Variants in MTDH observed in about 807,000 individuals in gnomAD.
MTDH encodes metadherin, also known as protein LYRIC.
MTDH carries 34 observed loss-of-function variants against 72.7 expected under a neutral mutation model. That is an observed-to-expected ratio of 0.47 (90% CI 0.36 to 0.62). The LOEUF is 0.62. Among genes scored for constraint, MTDH ranks in the 20% least tolerant of loss-of-function variants. The probability of loss-of-function intolerance (pLI) is 0.00; values close to 1 mark genes in which losing one functional copy is unlikely to be tolerated. For synonymous variants in MTDH, 266 were observed against 268.9 expected (o/e 0.99, Z 0.10); for missense variants, 677 against 699.4 (o/e 0.97, Z 0.36).
At chr8:97,652,327 G>A (rs1196778685) in intron 1 of MTDH, among the ~76,000 whole-genome samples, 1 of 152,092 alleles carries the variant, frequency 6.6e-6, no homozygotes, top group Middle Eastern at 3.2e-3. Flanking sequence ...GCCTTTACAT[G>A]AGCTATTATT....
At chr8:97,649,726 C>T (rs1811690117) in intron 1 of MTDH, among the ~76,000 whole-genome samples, 1 of 151,512 alleles carries the variant, frequency 6.6e-6, no homozygotes, top group Middle Eastern at 3.4e-3. Flanking sequence ...ACCTCAGCCC[C>T]TCGAGTGGCT....
chr8:97,718,894 C>T (rs1228628450), intron 9 of MTDH, among the ~76,000 whole-genome samples, 155 bp from the exon 10 acceptor site: 1 of 151,902 alleles, frequency 6.6e-6, no homozygotes, highest in Non-Finnish European at 1.5e-5. Flanking sequence ...CAGGGTTTCA[C>T]CATGTTGCCC....
At chr8:97,724,002 G>A (rs1241167590) in intron 11 of MTDH, among the ~76,000 whole-genome samples, 3 of 152,062 alleles carry the variant, frequency 2.0e-5, no homozygotes, top group East Asian at 1.9e-4. Flanking sequence ...GCAGCTACTC[G>A]GGAGGCTGAG....
At position 97,726,469 on chromosome 8, in the gene MTDH, T is replaced by C. The variant is rs773775014; in HGVS notation, c.*1799T>C. On this transcript the variant is annotated 3_prime_UTR_variant, in exon 12 of 12. Transcript: ENST00000336273. ...TTGTAAAGGTACCACAAAGGAGAAGTTGATAGGGAATCTAATTTTAGAATG... is the reference window on the plus strand; with the variant it reads ...TTGTAAAGGTACCACAAAGGAGAAGCTGATAGGGAATCTAATTTTAGAATG... The C allele has an allele frequency of 6.6e-6, 1 of 152,236 alleles. No homozygotes were observed. The highest frequency in any genetic ancestry group is 1.5e-5 in the Non-Finnish European group (1 of 68,052). 9.4% of individuals were successfully genotyped at this position (152,236 alleles called of 1,614,324 possible). A position where few individuals can be genotyped will look rare whatever the true frequency, so the allele number is the denominator to read the frequency against.
chr8:97,715,736 G>T (rs1318866366), intron 9 of MTDH, among the ~76,000 whole-genome samples: 1 of 152,152 alleles, frequency 6.6e-6, no homozygotes, highest in Non-Finnish European at 1.5e-5. Flanking sequence ...AGTTTTTCTT[G>T]AATTTCTTTG....
chr8:97,696,414 A>G (rs907167509), intron 6 of MTDH: 2 of 356,244 alleles, frequency 5.6e-6, no homozygotes, highest in Non-Finnish European at 7.8e-6. Flanking sequence ...GGTATTATAA[A>G]GTGGCAGAGG....
At position 97,644,565 on chromosome 8, in the gene MTDH, G is replaced by A. The variant is rs774287888; in HGVS notation, c.59G>A (p.Arg20Gln). ...LAQQAEEGSA[R>Q]LREMLSVGLG... ...CAGCAGGCCGAGGAGGGCTCGGCCC[G>A]GCTGCGGGAAATGCTCTCGGTCGGC... is the stretch of plus-strand genomic sequence containing the variant. Residue 20 changes from arginine (R) to glutamine (Q), a missense_variant, in exon 1 of 12, where the codon CGG (arginine) becomes CAG (glutamine). This residue lies in a region of MTDH where 467 missense variants were observed against 469.1 expected (regional missense o/e 1.00). Coordinates refer to ENST00000336273, the MANE Select transcript of MTDH (RefSeq NM_178812.4). 4 of 1,604,888 alleles carry A rather than the reference G, an allele frequency of 2.5e-6. No homozygotes were observed. Among genetic ancestry groups the A allele is most frequent in the Middle Eastern group, 1.8e-4 (1 of 5,624 alleles).
At chr8:97,697,919 T>C (rs1162415538) in intron 6 of MTDH, among the ~76,000 whole-genome samples, 1 of 152,200 alleles carries the variant, frequency 6.6e-6, no homozygotes, top group Non-Finnish European at 1.5e-5. Flanking sequence ...GCCAAAGGAA[T>C]AGCACCAGTG....
intron 7 of MTDH, among the ~76,000 whole-genome samples, chr8:97,702,961 G>A (rs1205737481): frequency 6.6e-6 from 1 of 152,212 alleles, no homozygotes; most frequent in African/African-American, 2.4e-5. Context: ...CAGACTAATG[G>A]AAAACTTTAG....
At chr8:97,723,647 G>A (rs568657018) in intron 11 of MTDH, among the ~76,000 whole-genome samples, 228 of 150,846 alleles carry the variant, frequency 1.5e-3, no homozygotes, top group African/African-American at 5.2e-3. Flanking sequence ...GGAGGCTGAG[G>A]CAGGAGAATG....
chr8:97,674,339 T>C (rs944879809), intron 2 of MTDH, among the ~76,000 whole-genome samples: 4 of 152,244 alleles, frequency 2.6e-5, no homozygotes, highest in African/African-American at 9.6e-5. Context: ...GGGAAATCAA[T>C]TGCAGACTTT....
chr8:97,719,245 A>G, intron 10 of MTDH, 56 bp downstream of exon 10: 1 of 1,568,820 alleles, frequency 6.4e-7, no homozygotes, highest in Non-Finnish European at 8.6e-7. Flanking sequence ...CTGTAATCCC[A>G]GCACTTTGAG....
intron 9 of MTDH, among the ~76,000 whole-genome samples, chr8:97,717,456 T>G (rs1186714939): frequency 1.3e-5 from 2 of 152,214 alleles, no homozygotes; most frequent in East Asian, 3.8e-4. Context: ...TCCTGTGGTG[T>G]TTGGCATGTG....
intron 2 of MTDH, among the ~76,000 whole-genome samples, chr8:97,666,249 G>A (rs537712228): frequency 3.3e-5 from 5 of 152,130 alleles, no homozygotes; most frequent in South Asian, 2.1e-4. Context: ...TGAAGTCAGC[G>A]ATATCCACTA....
chr8:97,651,847 A>C (rs981795426), intron 1 of MTDH, among the ~76,000 whole-genome samples: 4 of 152,074 alleles, frequency 2.6e-5, no homozygotes, highest in African/African-American at 9.7e-5. Flanking sequence ...AGAACCTATT[A>C]TTTCTTGCCT....
chr8:97,674,198 T>C (rs1812751074), intron 2 of MTDH, among the ~76,000 whole-genome samples: 1 of 152,092 alleles, frequency 6.6e-6, no homozygotes, highest in Admixed American at 6.6e-5. Context: ...GGTAAGGAGA[T>C]AGAGATAAAG....
At chr8:97,721,051 AG>A in intron 10 of MTDH, among the ~76,000 whole-genome samples, 1 of 152,170 alleles carries the variant, frequency 6.6e-6, no homozygotes, top group Non-Finnish European at 1.5e-5. Flanking sequence ...GAGAGAACAA[AG>A]GGGAAAAGGA....
In MTDH at chr8:97,724,883, C is replaced by T; in HGVS notation, c.*213C>T. On this transcript the variant is annotated 3_prime_UTR_variant, in exon 12 of 12. Transcript: ENST00000336273. Reference sequence around the variant, plus strand: ...AGAATATACTCAGTGATGGAAGACACTTGGGAAAGTCTTTTTAATAGAACA... The same window carrying T: ...AGAATATACTCAGTGATGGAAGACATTTGGGAAAGTCTTTTTAATAGAACA... 2.6e-6 allele frequency: 1 copy of T among 384,412 alleles called. No individual in the cohort carries two copies. Among genetic ancestry groups the T allele is most frequent in the Non-Finnish European group, 4.6e-6 (1 of 216,280 alleles). The allele number at this position is 384,412 out of a possible 1,614,324, so 23.8% of individuals were successfully genotyped here. A position where few individuals can be genotyped will look rare whatever the true frequency, so the allele number is the denominator to read the frequency against.
At chr8:97,716,700 T>C (rs1330372003) in intron 9 of MTDH, among the ~76,000 whole-genome samples, 6 of 152,084 alleles carry the variant, frequency 3.9e-5, no homozygotes, top group Non-Finnish European at 8.8e-5. Context: ...TTTTCTCTTT[T>C]TGTTTTGTTT....
Sources: allele counts gnomAD v4.1 joint callset (sites outside exome capture counted in the v4.1 genomes callset), GRCh38; gene constraint gnomAD v4.1.1; regional missense constraint gnomAD v4.1.1; transcripts MANE v1.5; gene names NCBI Gene and HGNC (gene_info 2026-07-23, HGNC 2026-07-21).